IPCEF1: variants seen among roughly 807,000 people sequenced by gnomAD.
The protein encoded by IPCEF1 is interaction protein for cytohesin exchange factors 1.
Under a neutral mutation model 50.9 loss-of-function variants are expected in IPCEF1, and 31 were observed. The ratio of observed to expected loss-of-function variants is 0.61; its 90% confidence interval spans 0.46 to 0.82. IPCEF1 has a LOEUF of 0.82. Ranked by LOEUF, IPCEF1 falls within the 40% of genes least tolerant of loss-of-function variation. The pLI is 0.00. For synonymous variants in IPCEF1, 181 were observed against 192.0 expected, an observed-to-expected ratio of 0.94 and a Z score of 0.47; for missense variants, 458 against 514.0, an observed-to-expected ratio of 0.89 and a Z score of 1.05.
At chr6:154,295,867 GCA>G (rs59302680) in intron 1 of IPCEF1, among the ~76,000 whole-genome samples, 77,761 of 147,606 alleles carry the variant, frequency 0.53, 21,878 homozygotes, top group African/African-American at 0.77. Flanking sequence ...ATGTGCACAC[GCA>G]CACACACACA....
intron 10 of IPCEF1, among the ~76,000 whole-genome samples, chr6:154,195,032 C>T (rs897037211): frequency 6.6e-6 from 1 of 152,120 alleles, no homozygotes; most frequent in African/African-American, 2.4e-5. Context: ...CCCTTCCTTC[C>T]CGTCTCCACT....
intron 2 of IPCEF1, among the ~76,000 whole-genome samples, chr6:154,266,560 C>CTATATATATATATATATATATATATA (rs34187257): frequency 7.4e-6 from 1 of 134,834 alleles, no homozygotes; most frequent in Non-Finnish European, 1.6e-5. Context: ...CTTAATATTA[C>CTATATATATATATATATATATATATA]TATATATATA....
At chr6:154,326,736 A>G (rs1312545286) in intron 1 of IPCEF1, among the ~76,000 whole-genome samples, 1 of 152,190 alleles carries the variant, frequency 6.6e-6, no homozygotes, top group Admixed American at 6.5e-5. Flanking sequence ...CATGGAACCA[A>G]AAAAGAGCCC....
chr6:154,281,214 A>G (rs1782202609), intron 2 of IPCEF1, among the ~76,000 whole-genome samples: 1 of 145,722 alleles, frequency 6.9e-6, no homozygotes, highest in Non-Finnish European at 1.5e-5. Flanking sequence ...AAAGCCAGGC[A>G]TGGTGGTGTA....
intron 5 of IPCEF1, among the ~76,000 whole-genome samples, chr6:154,228,431 A>C (rs1054697702): frequency 2.6e-5 from 4 of 152,192 alleles, no homozygotes; most frequent in African/African-American, 9.6e-5. Context: ...CCATTGTACA[A>C]ACTTCTCTTT....
intron 10 of IPCEF1, among the ~76,000 whole-genome samples, chr6:154,195,254 T>G (rs1184455359): frequency 6.6e-6 from 1 of 151,094 alleles, no homozygotes; most frequent in Non-Finnish European, 1.5e-5. Flanking sequence ...TTCACACCAT[T>G]CTCCTGCCTC....
intron 10 of IPCEF1, among the ~76,000 whole-genome samples, chr6:154,183,366 A>G (rs1451573283): frequency 1.3e-5 from 2 of 152,220 alleles, no homozygotes; most frequent in Non-Finnish European, 2.9e-5. Context: ...AACATGACCT[A>G]AATAGGTAGA....
Position 154,159,738 on chromosome 6 carries a change from G to C in IPCEF1, c.*90C>G, listed in dbSNP as rs148156101. On this transcript the variant is annotated 3_prime_UTR_variant, in exon 12 of 12. Coordinates refer to ENST00000367220, the MANE Select transcript of IPCEF1 (RefSeq NM_001130700.2). ...CTGATGCTTGAAGGACTGGGTTTCA[G>C]TTTTCCTTTTAAGGAAAAATGTAAG... 153 of 1,012,660 alleles carry C rather than the reference G, an allele frequency of 1.5e-4. 1 individual carries two copies. The African/African-American group carries it at 2.2e-3, about 15-fold the overall frequency. 62.7% of individuals were successfully genotyped at this position (1,012,660 alleles called of 1,614,324 possible).
At position 154,334,140 on chromosome 6, in the gene IPCEF1, C is replaced by G. The variant is rs139124852; in HGVS notation, c.-62+22532G>C. Among the ~76,000 whole-genome samples the G allele has an allele frequency of 3.3e-3, 509 of 152,176 alleles. 3 individuals are homozygous for G. Among genetic ancestry groups the G allele is most frequent in the African/African-American group, 0.012 (491 of 41,504 alleles). On this transcript the variant is annotated intron_variant, in intron 1 of 11. Transcript: ENST00000367220. ...AGATGGGTCAGATAGTTTGGCAATC[C>G]CAGTTCACCCTTAGTTGGAAGCATC...
At chr6:154,160,886 T>C (rs780446369) in intron 11 of IPCEF1, among the ~76,000 whole-genome samples, 1 of 152,194 alleles carries the variant, frequency 6.6e-6, no homozygotes, top group Non-Finnish European at 1.5e-5. Context: ...GCGAGACCAC[T>C]GCCTCCAATG....
At chr6:154,328,448 C>T (rs1783576767) in intron 1 of IPCEF1, among the ~76,000 whole-genome samples, 1 of 152,056 alleles carries the variant, frequency 6.6e-6, no homozygotes, top group Non-Finnish European at 1.5e-5. Flanking sequence ...CTAAGAAGTT[C>T]TTCAATGGAG....
At chr6:154,282,441 G>A (rs1021644309) in intron 2 of IPCEF1, among the ~76,000 whole-genome samples, 1 of 152,182 alleles carries the variant, frequency 6.6e-6, no homozygotes, top group Non-Finnish European at 1.5e-5. Context: ...CCAGCACTTT[G>A]GGAGGCCAAG....
chr6:154,324,334 G>A (rs1783467278), intron 1 of IPCEF1, among the ~76,000 whole-genome samples: 1 of 152,194 alleles, frequency 6.6e-6, no homozygotes, highest in South Asian at 2.1e-4. Context: ...GGGTGCCCAA[G>A]TTGGGAGGAA....
chr6:154,240,821 G>GAGA (rs1780519741), intron 5 of IPCEF1, among the ~76,000 whole-genome samples: 1 of 152,172 alleles, frequency 6.6e-6, no homozygotes, highest in Non-Finnish European at 1.5e-5. Flanking sequence ...GAAAGCAAAG[G>GAGA]AGAAACACAA....
chr6:154,240,692 T>C (rs1207807042), intron 5 of IPCEF1, among the ~76,000 whole-genome samples: 1 of 152,236 alleles, frequency 6.6e-6, no homozygotes, highest in Non-Finnish European at 1.5e-5. Flanking sequence ...TCAAGAAATA[T>C]GCCTTCCAAA....
intron 3 of IPCEF1, among the ~76,000 whole-genome samples, chr6:154,258,785 T>C (rs1215982765): frequency 6.6e-6 from 1 of 152,204 alleles, no homozygotes; most frequent in Admixed American, 6.5e-5. Context: ...ACTGAACAAC[T>C]ACAACTCTGC....
intron 2 of IPCEF1, among the ~76,000 whole-genome samples, chr6:154,270,140 C>G (rs1423858763): frequency 6.6e-6 from 1 of 151,610 alleles, no homozygotes; most frequent in Non-Finnish European, 1.5e-5. Context: ...TGAATTACCA[C>G]AAATTTAAAA....
Position 154,212,757 on chromosome 6 carries a change from T to C in IPCEF1, c.537+13A>G, listed in dbSNP as rs1260477510. The C allele has an allele frequency of 6.4e-7, 1 of 1,570,722 alleles. No homozygotes were observed. The highest frequency in any genetic ancestry group is 2.2e-5 in the East Asian group (1 of 44,700). The stretch of plus-strand genomic sequence containing the variant: ...TGATCGATGACCAACAGACTACTTA[T>C]GTCGGTACATACCAAAGACTGAGTC... On this transcript the variant is annotated intron_variant, in intron 9 of 11. Coordinates refer to ENST00000367220, the MANE Select transcript of IPCEF1 (RefSeq NM_001130700.2).
intron 5 of IPCEF1, among the ~76,000 whole-genome samples, chr6:154,229,634 G>A (rs1779567791): frequency 6.6e-6 from 1 of 152,096 alleles, no homozygotes; most frequent in East Asian, 1.9e-4. Context: ...GGGATTACAG[G>A]CGTGAGCCAC....
Sources: allele counts gnomAD v4.1 joint callset (sites outside exome capture counted in the v4.1 genomes callset), GRCh38; gene constraint gnomAD v4.1.1; transcripts MANE v1.5; gene names NCBI Gene and HGNC (gene_info 2026-07-23, HGNC 2026-07-21).